FAM53B: variants seen among roughly 807,000 people sequenced by gnomAD.
FAM53B encodes family with sequence similarity 53 member B, also known as protein FAM53B.
A neutral mutation model predicts 32.7 loss-of-function variants in FAM53B; 12 were observed. The ratio of observed to expected loss-of-function variants is 0.37; its 90% confidence interval spans 0.24 to 0.59. The LOEUF (loss-of-function observed/expected upper bound fraction) is 0.59, where lower values mean the gene tolerates loss of function less well. Ranked by LOEUF, FAM53B falls within the 20% of genes least tolerant of loss-of-function variation. The probability of loss-of-function intolerance (pLI) is 0.72; values close to 1 mark genes in which losing one functional copy is unlikely to be tolerated. For missense variants in FAM53B, 477 were observed against 577.7 expected, an observed-to-expected ratio of 0.83 and a Z score of 1.79; for synonymous variants, 234 against 228.7, an observed-to-expected ratio of 1.02 and a Z score of -0.21.
intron 4 of FAM53B, among the ~76,000 whole-genome samples, chr10:124,665,566 C>A (rs1257179267): frequency 6.6e-6 from 1 of 152,264 alleles, no homozygotes; most frequent in Non-Finnish European, 1.5e-5. Context: ...CATATGCATA[C>A]ATGGAGGTCC....
intron 4 of FAM53B, among the ~76,000 whole-genome samples, chr10:124,653,669 G>C (rs1043447101): frequency 6.6e-6 from 1 of 152,194 alleles, no homozygotes; most frequent in Non-Finnish European, 1.5e-5. Context: ...GGGTAACCTT[G>C]GCCAGGACCC....
intron 1 of FAM53B, among the ~76,000 whole-genome samples, chr10:124,731,966 CT>C (rs1025159104): frequency 2.0e-5 from 3 of 152,174 alleles, no homozygotes; most frequent in African/African-American, 4.8e-5. Context: ...CCTCCCAAGT[CT>C]TCTCCCTATC....
intron 3 of FAM53B, among the ~76,000 whole-genome samples, chr10:124,692,918 G>A (rs1285275365): frequency 2.0e-5 from 3 of 152,010 alleles, no homozygotes; most frequent in African/African-American, 4.8e-5. Context: ...ACTCATACTG[G>A]CTCCCAGCGA....
rs1283480241 is a variant in FAM53B, at chr10:124,622,283, A to C, written c.*959T>G. ...GGACGCCCTTCACCCCTGAGTGCGC[A>C]TAGGGCCCTCATCTGCCCACCTGCT... On this transcript the variant is annotated 3_prime_UTR_variant, in exon 5 of 5. Transcript: ENST00000337318. 1 of 152,210 alleles carries C rather than the reference A, an allele frequency of 6.6e-6. No individual in the cohort carries two copies. Among genetic ancestry groups the C allele is most frequent in the Non-Finnish European group, 1.5e-5 (1 of 68,058 alleles). The allele number at this position is 152,210 out of a possible 1,614,324, so 9.4% of individuals were successfully genotyped here.
At position 124,621,447 on chromosome 10, in the gene FAM53B, A is replaced by G. The variant is rs1342895178; in HGVS notation, c.*1795T>C. The G allele has an allele frequency of 6.6e-6, 1 of 152,276 alleles. No individual in the cohort carries two copies. Among genetic ancestry groups the G allele is most frequent in the Non-Finnish European group, 1.5e-5 (1 of 68,066 alleles). The allele number at this position is 152,276 out of a possible 1,614,324, so 9.4% of individuals were successfully genotyped here. ...TAGACATGCCTCCGGCAGGAGCTACAGCAACCAGAGGTGAGCTGGTTCCCC... is the reference window on the plus strand; with the variant it reads ...TAGACATGCCTCCGGCAGGAGCTACGGCAACCAGAGGTGAGCTGGTTCCCC... On this transcript the variant is annotated 3_prime_UTR_variant, in exon 5 of 5. Coordinates refer to ENST00000337318, the MANE Select transcript of FAM53B (RefSeq NM_014661.4).
chr10:124,681,444 C>A (rs1349743395), intron 4 of FAM53B, among the ~76,000 whole-genome samples, 163 bp downstream of exon 4: 2 of 152,154 alleles, frequency 1.3e-5, no homozygotes, highest in African/African-American at 4.8e-5. Flanking sequence ...TTTTAAAAAC[C>A]AACTGGAAAT....
At chr10:124,647,510 C>T (rs761856575) in intron 4 of FAM53B, among the ~76,000 whole-genome samples, 19 of 152,246 alleles carry the variant, frequency 1.2e-4, no homozygotes, top group Admixed American at 8.5e-4. Context: ...GCCAAGACCC[C>T]ACCACATGCG....
chr10:124,624,665 G>C (rs571157883), intron 4 of FAM53B, among the ~76,000 whole-genome samples: 2 of 152,186 alleles, frequency 1.3e-5, no homozygotes, highest in Non-Finnish European at 2.9e-5. Context: ...GGCAGAGCTT[G>C]AACAGGATTT....
chr10:124,733,811 G>A lies in FAM53B; in HGVS notation c.-175+10202C>T, dbSNP rs1352002159. ...GGCCCCTGGGCAGTGTCACCCCGAAGGTGGGCTTTCTCCCAGCCCTTCGCC... is the reference window on the plus strand; with the variant it reads ...GGCCCCTGGGCAGTGTCACCCCGAAAGTGGGCTTTCTCCCAGCCCTTCGCC... On this transcript the variant is annotated intron_variant, in intron 1 of 4. Coordinates refer to ENST00000337318, the MANE Select transcript of FAM53B (RefSeq NM_014661.4). This position sits in a 1 kb window ranked among gnomAD's most constrained non-coding sequence, Gnocchi z 4.3. Among the ~76,000 whole-genome samples the A allele has an allele frequency of 6.6e-6, 1 of 152,200 alleles. No individual in the cohort carries two copies. Among genetic ancestry groups the A allele is most frequent in the Non-Finnish European group, 1.5e-5 (1 of 68,022 alleles).
intron 4 of FAM53B, among the ~76,000 whole-genome samples, chr10:124,678,400 CAT>C (rs934086173): frequency 6.6e-6 from 1 of 152,224 alleles, no homozygotes; most frequent in Non-Finnish European, 1.5e-5. Context: ...ATTATCCACA[CAT>C]GTTGTTTCCC....
intron 1 of FAM53B, among the ~76,000 whole-genome samples, chr10:124,712,865 T>C (rs1009510951): frequency 1.2e-4 from 18 of 152,214 alleles, no homozygotes; most frequent in African/African-American, 3.9e-4. Context: ...AGACTTCCCA[T>C]TGATCCATGT....
intron 3 of FAM53B, among the ~76,000 whole-genome samples, chr10:124,688,231 C>T (rs1472458480): frequency 6.6e-6 from 1 of 152,174 alleles, no homozygotes; most frequent in Non-Finnish European, 1.5e-5. Context: ...GCAGAAGGGC[C>T]CCCCATCCAT....
chr10:124,715,479 G>A (rs1950033648), intron 1 of FAM53B, among the ~76,000 whole-genome samples: 1 of 152,152 alleles, frequency 6.6e-6, no homozygotes, highest in Admixed American at 6.5e-5. Flanking sequence ...ATCTCCTCAG[G>A]TCCTGTGCCT....
At chr10:124,632,424 G>A (rs552039502) in intron 4 of FAM53B, among the ~76,000 whole-genome samples, 9 of 152,326 alleles carry the variant, frequency 5.9e-5, no homozygotes, top group South Asian at 2.1e-4. Flanking sequence ...GGGTTCTGGC[G>A]GGGGGCCGAG....
At chr10:124,646,406 A>G (rs1217881397) in intron 4 of FAM53B, among the ~76,000 whole-genome samples, 2 of 152,198 alleles carry the variant, frequency 1.3e-5, no homozygotes, top group Non-Finnish European at 2.9e-5. Flanking sequence ...AGAGGAGGAG[A>G]AACGTGCCAT....
chr10:124,623,303 G>A lies in FAM53B; in HGVS notation c.1208C>T (p.Pro403Leu), dbSNP rs762068484. The A allele has an allele frequency of 4.3e-6, 7 of 1,612,356 alleles. No homozygotes were observed. In the South Asian group the frequency reaches 5.5e-5, roughly 13 times the overall value. The change falls in exon 5 of 5, where the codon CCT becomes CTT. Residue 403 changes from proline to leucine, a missense_variant. Pro to Leu is a moderately conservative substitution (Grantham distance 98, BLOSUM62 -3). Coordinates refer to ENST00000337318, the MANE Select transcript of FAM53B (RefSeq NM_014661.4). ...GTCCAGGGAGCAGAGGCTGTTCCCA[G>A]GGGCCCCGCGGTCCCGCCAGGCTGC... is the stretch of plus-strand genomic sequence containing the variant. ...PAAAWRDRGA[P>L]GNSLCSLDGE...
chr10:124,643,987 CA>C (rs1949494167), intron 4 of FAM53B, among the ~76,000 whole-genome samples: 1 of 152,190 alleles, frequency 6.6e-6, no homozygotes, highest in South Asian at 2.1e-4. Context: ...CTGCTCATGC[CA>C]GGGGCCTCCA....
chr10:124,713,070 T>C (rs1292097836), intron 1 of FAM53B, among the ~76,000 whole-genome samples: 2 of 152,182 alleles, frequency 1.3e-5, no homozygotes, highest in African/African-American at 2.4e-5. Context: ...CCAGAGCCCA[T>C]CTCCACCCCC....
chr10:124,699,289 C>T (rs758333505), intron 2 of FAM53B, among the ~76,000 whole-genome samples: 1 of 152,248 alleles, frequency 6.6e-6, no homozygotes, highest in Non-Finnish European at 1.5e-5. Context: ...GCCTGTCCCA[C>T]TCCTGCAGCC....
Sources: gnomAD v4.1 joint callset for allele counts (sites outside exome capture counted in the v4.1 genomes callset) on GRCh38, gnomAD v4.1.1 for gene constraint, Gnocchi (gnomAD v3.1) non-coding constraint, MANE v1.5 for transcripts, NCBI Gene and HGNC (gene_info 2026-07-23, HGNC 2026-07-21) for gene names.